NFIA: variants seen among roughly 807,000 people sequenced by gnomAD.
The protein encoded by NFIA is nuclear factor 1 A-type.
In NFIA, 8 loss-of-function variants were observed where a neutral mutation model predicts 62.8. The observed-to-expected ratio is 0.13, with a 90% CI of 0.07 to 0.23. The LOEUF (loss-of-function observed/expected upper bound fraction) is 0.23. Among genes scored for constraint, NFIA ranks in the 10% least tolerant of loss-of-function variants. The pLI, the probability that NFIA is intolerant of heterozygous loss-of-function variation, is 1.00. For missense variants in NFIA, 410 were observed against 642.1 expected, an observed-to-expected ratio of 0.64 and a Z score of 3.91; for synonymous variants, 235 against 238.1, an observed-to-expected ratio of 0.99 and a Z score of 0.12.
intron 2 of NFIA, among the ~76,000 whole-genome samples, chr1:61,224,489 C>T (rs76732304): frequency 0.045 from 6,921 of 152,130 alleles, 226 homozygotes; most frequent in Non-Finnish European, 0.069. Flanking sequence ...CATTAACCTC[C>T]CAAAACACAC....
chr1:61,239,492 C>G (rs1655207178), intron 2 of NFIA, among the ~76,000 whole-genome samples: 1 of 152,010 alleles, frequency 6.6e-6, no homozygotes, highest in Non-Finnish European at 1.5e-5. Flanking sequence ...ATCTTTCATT[C>G]TAATATGTAT....
At chr1:61,155,211 C>T (rs1024318054) in intron 2 of NFIA, among the ~76,000 whole-genome samples, 17 of 152,072 alleles carry the variant, frequency 1.1e-4, no homozygotes, top group African/African-American at 3.6e-4. Flanking sequence ...TATTTCTGAG[C>T]GTTGAGGTTT....
At chr1:61,293,483 A>G (rs1268168403) in intron 3 of NFIA, among the ~76,000 whole-genome samples, 1 of 152,230 alleles carries the variant, frequency 6.6e-6, no homozygotes, top group African/African-American at 2.4e-5. Flanking sequence ...TACGCCAGTC[A>G]TATCATGTTG....
chr1:61,345,312 G>A (rs1477272793), intron 4 of NFIA, among the ~76,000 whole-genome samples: 2 of 152,296 alleles, frequency 1.3e-5, no homozygotes, highest in African/African-American at 4.8e-5. Context: ...GGGGCAAATA[G>A]GGAGGGTAAT....
chr1:61,179,832 A>G (rs12096226), intron 2 of NFIA, among the ~76,000 whole-genome samples: 18,606 of 151,926 alleles, frequency 0.12, 1,638 homozygotes, highest in East Asian at 0.27. Flanking sequence ...GGGGGGTGAA[A>G]GTTGATTTTG....
rs66989543 is a variant in NFIA at position 61,175,128 on chromosome 1, G to GATTATT, written c.559+86470_559+86475dup. On this transcript the variant is annotated intron_variant, in intron 2 of 10. Coordinates refer to ENST00000403491, the MANE Select transcript of NFIA (RefSeq NM_001134673.4). Reference sequence around the variant, plus strand: ...ATTGACACTTAAACTTTTCTGTATTGATTATTATTATTATTATTATTATTA... The same window carrying GATTATT: ...ATTGACACTTAAACTTTTCTGTATTGATTATTATTATTATTATTATTATTATTATTA... Among the ~76,000 whole-genome samples, 1,764 of 150,130 alleles carry GATTATT rather than the reference G, an allele frequency of 0.012. 93 individuals are homozygous for GATTATT. The East Asian group carries it at 0.16, about 14-fold the overall frequency.
At chr1:61,324,601 G>GCCT (rs1289593168) in intron 3 of NFIA, among the ~76,000 whole-genome samples, 2 of 152,164 alleles carry the variant, frequency 1.3e-5, no homozygotes, top group African/African-American at 2.4e-5. Flanking sequence ...TTAGTGGTCA[G>GCCT]CCTCCTGTGT....
rs1313276240 is a variant in NFIA, at chr1:61,099,461, G to GC, written c.559+10782dup. Among the ~76,000 whole-genome samples, 3 of 152,258 alleles carry GC rather than the reference G, an allele frequency of 2.0e-5. No individual in the cohort carries two copies. In the East Asian group the frequency reaches 5.8e-4, roughly 29 times the overall value. On this transcript the variant is annotated intron_variant, in intron 2 of 10. Transcript: ENST00000403491. ...ATTACCAACTCTTTAAACTCTTTTG[G>GC]CAATTCAAGGAGGTTGCCTATCTGG...
intron 6 of NFIA, among the ~76,000 whole-genome samples, chr1:61,377,945 C>T (rs1664231002): frequency 1.3e-5 from 2 of 152,164 alleles, no homozygotes; most frequent in South Asian, 2.1e-4. Flanking sequence ...GGTGATCCTT[C>T]CCTTCTCTTC....
At chr1:61,140,164 C>T (rs1474991043) in intron 2 of NFIA, among the ~76,000 whole-genome samples, 2 of 152,122 alleles carry the variant, frequency 1.3e-5, no homozygotes, top group African/African-American at 4.8e-5. Context: ...TGAAAATTGG[C>T]CCATATACAT....
chr1:61,103,860 CAT>C (rs1646552521), intron 2 of NFIA, among the ~76,000 whole-genome samples: 1 of 152,100 alleles, frequency 6.6e-6, no homozygotes, highest in African/African-American at 2.4e-5. Flanking sequence ...GAATTATTGA[CAT>C]GTAAGTAATT....
intron 2 of NFIA, among the ~76,000 whole-genome samples, chr1:61,249,537 G>A (rs1204276221): frequency 6.6e-6 from 1 of 152,176 alleles, no homozygotes; most frequent in Non-Finnish European, 1.5e-5. Context: ...CAGAGGCCAA[G>A]GCAGGTGGAT....
intron 2 of NFIA, among the ~76,000 whole-genome samples, chr1:61,114,253 C>T (rs1646758298): frequency 6.6e-6 from 1 of 151,706 alleles, no homozygotes; most frequent in Admixed American, 6.6e-5. Context: ...ATTCTATATA[C>T]GTAGAAAGAC....
intron 2 of NFIA, among the ~76,000 whole-genome samples, chr1:61,168,819 A>G (rs536625099): frequency 6.6e-6 from 1 of 152,348 alleles, no homozygotes; most frequent in East Asian, 1.9e-4. Context: ...AAACTTAATT[A>G]TGAATGGCTG....
At chr1:61,403,270 A>G (rs960719602) in intron 7 of NFIA, among the ~76,000 whole-genome samples, 4 of 152,202 alleles carry the variant, frequency 2.6e-5, no homozygotes, top group Admixed American at 1.3e-4. Flanking sequence ...AGTTTTATCA[A>G]TCATCCTTCT....
chr1:61,434,742 G>C (rs1177577751), intron 10 of NFIA, among the ~76,000 whole-genome samples: 1 of 152,148 alleles, frequency 6.6e-6, no homozygotes, highest in Admixed American at 6.6e-5. Context: ...TAGGTGCTCA[G>C]TAAATATTGC....
At chr1:61,407,822 A>C (rs1176669124) in intron 9 of NFIA, among the ~76,000 whole-genome samples, 1 of 152,162 alleles carries the variant, frequency 6.6e-6, no homozygotes, top group Non-Finnish European at 1.5e-5. Flanking sequence ...ATGGAACGGG[A>C]CATGGTGGGG....
intron 3 of NFIA, among the ~76,000 whole-genome samples, chr1:61,301,633 A>G (rs1484664226): frequency 6.6e-6 from 1 of 152,194 alleles, no homozygotes; most frequent in Non-Finnish European, 1.5e-5. Context: ...AATTCCTCTC[A>G]TTATCTTCCC....
intron 2 of NFIA, among the ~76,000 whole-genome samples, chr1:61,139,168 A>C (rs949511529): frequency 6.6e-6 from 1 of 152,164 alleles, no homozygotes; most frequent in African/African-American, 2.4e-5. Flanking sequence ...ACAGAGCAAG[A>C]CTGTCTCAAA....
Sources: gnomAD v4.1 joint callset for allele counts (sites outside exome capture counted in the v4.1 genomes callset) on GRCh38, gnomAD v4.1.1 for gene constraint, MANE v1.5 for transcripts, NCBI Gene and HGNC (gene_info 2026-07-23, HGNC 2026-07-21) for gene names.